Variants in BTBD16 observed in about 807,000 individuals in gnomAD.
BTBD16 encodes BTB domain containing 16.
In BTBD16, 66 loss-of-function variants were observed where a neutral mutation model predicts 67.4. That is an observed-to-expected ratio of 0.98 (90% CI 0.80 to 1.20). The LOEUF (loss-of-function observed/expected upper bound fraction) is 1.20, where lower values mean the gene tolerates loss of function less well. Among genes scored for constraint, BTBD16 ranks in the 50% most tolerant of loss-of-function variants. The pLI is 0.00. For missense variants in BTBD16, 634 were observed against 616.0 expected (o/e 1.03, Z -0.31); for synonymous variants, 242 against 236.4 (o/e 1.02, Z -0.22).
chr10:122,306,677 G>T (rs927687481), intron 9 of BTBD16, among the ~76,000 whole-genome samples: 8 of 152,156 alleles, frequency 5.3e-5, no homozygotes, highest in African/African-American at 1.7e-4. Context: ...ATTTAAGGGA[G>T]CATGAAAAAA....
intron 11 of BTBD16, among the ~76,000 whole-genome samples, chr10:122,330,068 A>G (rs1371894399): frequency 6.6e-6 from 1 of 152,112 alleles, no homozygotes; most frequent in Non-Finnish European, 1.5e-5. Flanking sequence ...ATCTGAAAGG[A>G]CCTCTGAGAA....
chr10:122,291,166 A>G lies in BTBD16; in HGVS notation c.562A>G (p.Ile188Val). Residue 188 changes from isoleucine to valine, a missense_variant, in exon 7 of 16, where the codon ATC (isoleucine) becomes GTC (valine). Physicochemically the swap from Ile to Val is conservative, Grantham distance 29 (BLOSUM62 3). Coordinates refer to ENST00000260723, the MANE Select transcript of BTBD16 (RefSeq NM_144587.5). ...ACTGGGAGTGCTGGCTTCCGCCCAC[A>G]TCCTCCAGTTCAGTGGCCTGTTTCA... is the stretch of plus-strand genomic sequence containing the variant. The part of the protein sequence containing the change: ...DLLGVLASAH[I>V]LQFSGLFQRC... The G allele has an allele frequency of 1.2e-6, 2 of 1,613,796 alleles. No homozygotes were observed. The highest frequency in any genetic ancestry group is 1.7e-6 in the Non-Finnish European group (2 of 1,179,874).
At chr10:122,318,507 G>C (rs944088152) in intron 10 of BTBD16, among the ~76,000 whole-genome samples, 1 of 152,186 alleles carries the variant, frequency 6.6e-6, no homozygotes, top group African/African-American at 2.4e-5. Context: ...CCTGGGAATA[G>C]AATGGCTAGG....
rs1036183679 is a variant in BTBD16 at position 122,333,840 on chromosome 10, A to G, written c.1165-1041A>G. Among the ~76,000 whole-genome samples, 4 of 152,200 alleles carry G rather than the reference A, an allele frequency of 2.6e-5. No individual in the cohort carries two copies. In the East Asian group the frequency reaches 5.8e-4, roughly 22 times the overall value. On this transcript the variant is annotated intron_variant, in intron 13 of 15. Coordinates refer to ENST00000260723, the MANE Select transcript of BTBD16 (RefSeq NM_144587.5). ...CAGTCAAAGCTGACCTTCAAGGGCC[A>G]CTGATGGCTTTTCCTTTAACAATAG...
Position 122,333,144 on chromosome 10 carries a change from C to T in BTBD16, c.1164+631C>T, listed in dbSNP as rs112582172. The T allele has an allele frequency of 3.5e-4, 70 of 197,336 alleles. 2 individuals are homozygous for T. Among genetic ancestry groups the T allele is most frequent in the African/African-American group, 1.5e-3 (62 of 42,274 alleles). The allele number at this position is 197,336 out of a possible 1,614,324, so 12.2% of individuals were successfully genotyped here. Reference sequence around the variant, plus strand: ...CCCGCAGTGATCTCAAAAGAATTCACGTTTCAAGAACTAGGGGTGCTGAAT... The same window carrying T: ...CCCGCAGTGATCTCAAAAGAATTCATGTTTCAAGAACTAGGGGTGCTGAAT... On this transcript the variant is annotated intron_variant, in intron 13 of 15. Transcript: ENST00000260723.
At position 122,338,029 on chromosome 10, in the gene BTBD16, C is replaced by T. The variant is rs762066302; in HGVS notation, c.1465C>T (p.Gln489Ter). 9.3e-6 allele frequency: 15 copies of T among 1,611,848 alleles called. No homozygotes were observed. The highest frequency in any genetic ancestry group is 1.6e-4 in the Middle Eastern group (1 of 6,078). ...SSCKSHTLKI[Q>*]TVGIPIYVSF... is the part of the protein sequence containing the mutation. ...TTTCATGTTTTAGACCTTGAAAATC[C>T]AAACTGTGGGCATCCCAATCTATGT... is the stretch of plus-strand genomic sequence containing the variant. Residue 489 changes from glutamine (Q) to a stop codon, truncating the protein, a stop_gained, in exon 16 of 16, where the codon CAA becomes TAA. Transcript: ENST00000260723. LOFTEE classifies it high-confidence loss of function.
chr10:122,281,012 G>T (rs1309110474), intron 3 of BTBD16, among the ~76,000 whole-genome samples: 7 of 151,988 alleles, frequency 4.6e-5, no homozygotes. Flanking sequence ...TCTCTATGTT[G>T]CCCAGGCTGG....
At chr10:122,324,029 T>C (rs2096439957) in intron 10 of BTBD16, among the ~76,000 whole-genome samples, 1 of 152,330 alleles carries the variant, frequency 6.6e-6, no homozygotes, top group Non-Finnish European at 1.5e-5. Flanking sequence ...GTAATTTGAA[T>C]GTAGCCAATG....
chr10:122,295,821 G>A (rs966624985), intron 7 of BTBD16, among the ~76,000 whole-genome samples: 2 of 152,136 alleles, frequency 1.3e-5, no homozygotes, highest in Non-Finnish European at 2.9e-5. Context: ...TGTCTGAAGG[G>A]CCGATCCTAG....
At chr10:122,307,709 G>A (rs528342522) in intron 10 of BTBD16, among the ~76,000 whole-genome samples, 1 of 152,116 alleles carries the variant, frequency 6.6e-6, no homozygotes, top group Non-Finnish European at 1.5e-5. Flanking sequence ...ACCTTGTTAG[G>A]TTTGTGTTTC....
chr10:122,297,445 G>C (rs2096385365), intron 7 of BTBD16, among the ~76,000 whole-genome samples: 1 of 152,240 alleles, frequency 6.6e-6, no homozygotes, highest in African/African-American at 2.4e-5. Flanking sequence ...GGGATGACCA[G>C]ATGGCTATGT....
chr10:122,279,546 A>ACACACACAC (rs10676660), intron 3 of BTBD16, among the ~76,000 whole-genome samples: 1 of 150,446 alleles, frequency 6.6e-6, no homozygotes, highest in Non-Finnish European at 1.5e-5. Context: ...ACACACACAC[A>ACACACACAC]TCTTTTCTTT....
Position 122,332,505 on chromosome 10 carries a change from T to C in BTBD16, c.1156T>C (p.Phe386Leu). The C allele has an allele frequency of 6.2e-7, 1 of 1,613,472 alleles. No homozygotes were observed. Residue 386 changes from phenylalanine (F) to leucine (L), a missense_variant, in exon 13 of 16, where the codon TTT becomes CTT. Coordinates refer to ENST00000260723, the MANE Select transcript of BTBD16 (RefSeq NM_144587.5). ...CCAGGCTGTGAGATTTGGGCTGCTC[T>C]TTAACCAGGTACTGAGAACTGTACC... ...NTQAVRFGLL[F>L]NQENTTYSKT... is the part of the protein sequence containing the mutation.
At chr10:122,318,832 T>A (rs1017559748) in intron 10 of BTBD16, among the ~76,000 whole-genome samples, 2 of 152,184 alleles carry the variant, frequency 1.3e-5, no homozygotes, top group Non-Finnish European at 2.9e-5. Context: ...GTGATCCACC[T>A]GCCTCGGCCT....
At position 122,283,926 on chromosome 10, in the gene BTBD16, T is replaced by A. The variant is rs772946699; in HGVS notation, c.241+2T>A. 6.2e-7 allele frequency: 1 copy of A among 1,610,314 alleles called. No homozygotes were observed. The highest frequency in any genetic ancestry group is 1.7e-5 in the Admixed American group (1 of 60,006). ...AGGACATCCAAAGTGGGGAAGCAGG[T>A]GAGTTTGTGTTATCCATGGATTAAG... On this transcript the variant is annotated splice_donor_variant, in intron 4 of 15. Transcript: ENST00000260723. LOFTEE classifies it high-confidence loss of function.
At chr10:122,295,615 G>T (rs981443936) in intron 7 of BTBD16, among the ~76,000 whole-genome samples, 1 of 152,186 alleles carries the variant, frequency 6.6e-6, no homozygotes, top group Non-Finnish European at 1.5e-5. Flanking sequence ...GAGACCAGGA[G>T]GGTCTGAACT....
At chr10:122,309,700 C>T (rs1440312963) in intron 10 of BTBD16, among the ~76,000 whole-genome samples, 1 of 152,002 alleles carries the variant, frequency 6.6e-6, no homozygotes, top group African/African-American at 2.4e-5. Context: ...TCTCAAACTC[C>T]TGGTCTCAAG....
rs184894629 is a variant in BTBD16, at chr10:122,286,116, G to A, written c.253G>A (p.Glu85Lys). The A allele has an allele frequency of 1.2e-5, 19 of 1,613,366 alleles. No homozygotes were observed. In the Admixed American group the frequency reaches 1.7e-4, roughly 14 times the overall value. ...TTTTCTGTCCTCAGATGTGATTCTC[G>A]AGTGCCTGGGCTTCAAATGGGAGCT... is the stretch of plus-strand genomic sequence containing the variant. ...IQSGEADVIL[E>K]CLGFKWELHQ... The change falls in exon 5 of 16, where the codon GAG becomes AAG. Residue 85 changes from glutamate to lysine, a missense_variant. Coordinates refer to ENST00000260723, the MANE Select transcript of BTBD16 (RefSeq NM_144587.5).
intron 7 of BTBD16, among the ~76,000 whole-genome samples, chr10:122,292,694 G>A (rs1377794217): frequency 6.6e-6 from 1 of 152,216 alleles, no homozygotes; most frequent in Non-Finnish European, 1.5e-5. Flanking sequence ...TCCTCTGGGA[G>A]GCCAAGGAGA....
Sources: allele counts gnomAD v4.1 joint callset (sites outside exome capture counted in the v4.1 genomes callset), GRCh38; gene constraint gnomAD v4.1.1; transcripts MANE v1.5; gene names NCBI Gene and HGNC (gene_info 2026-07-23, HGNC 2026-07-21).